The following COL13A1 variants were observed in gnomAD, a reference collection of about 807,000 sequenced individuals.
The protein encoded by COL13A1 is collagen type XIII alpha 1 chain.
A neutral mutation model predicts 130.9 loss-of-function variants in COL13A1; 89 were observed. The observed-to-expected ratio is 0.68, with a 90% CI of 0.57 to 0.81. The LOEUF is 0.81. Among genes scored for constraint, COL13A1 ranks in the 30% least tolerant of loss-of-function variants. The pLI is 0.00. For synonymous variants in COL13A1, 402 were observed against 341.6 expected (o/e 1.18, Z -1.95); for missense variants, 879 against 934.6 (o/e 0.94, Z 0.78).
Position 69,904,905 on chromosome 10 carries a change from C to CTTTTTTTT in COL13A1, c.859-18_859-11dup, listed in dbSNP as rs60054259. ...CAGCTCTACTCACCTTTTCTTTTTT[C>CTTTTTTTT]TTTTTTTTTTTTTTTTTGCTTCCAC... On this transcript the variant is annotated intron_variant, in intron 15 of 40. Coordinates refer to ENST00000645393, the MANE Select transcript of COL13A1 (RefSeq NM_001368882.1). 1.9e-4 allele frequency: 280 copies of CTTTTTTTT among 1,475,642 alleles called. 1 individual carries two copies. Among genetic ancestry groups the CTTTTTTTT allele is most frequent in the Admixed American group, 9.9e-4 (45 of 45,330 alleles). The allele number at this position is 1,475,642 out of a possible 1,614,324, so 91.4% of individuals were successfully genotyped here. A position where few individuals can be genotyped will look rare whatever the true frequency, so the allele number is the denominator to read the frequency against.
chr10:69,881,428 A>G (rs926558179), intron 7 of COL13A1, among the ~76,000 whole-genome samples: 1 of 152,172 alleles, frequency 6.6e-6, no homozygotes. Flanking sequence ...GGGTGGGAGC[A>G]GAGGGCTAGC....
At chr10:69,849,337 G>A (rs958124508) in intron 2 of COL13A1, among the ~76,000 whole-genome samples, 10 of 152,086 alleles carry the variant, frequency 6.6e-5, no homozygotes, top group Non-Finnish European at 1.3e-4. Flanking sequence ...TGCAGGGGAT[G>A]GGGAGCGGGG....
At chr10:69,839,164 C>CCATTCATT (rs537294421) in intron 2 of COL13A1, among the ~76,000 whole-genome samples, 1 of 152,116 alleles carries the variant, frequency 6.6e-6, no homozygotes. Flanking sequence ...GAGAGGTGAC[C>CCATTCATT]CATTCATTCA....
chr10:69,910,572 C>T (rs1489125957), intron 17 of COL13A1, among the ~76,000 whole-genome samples: 2 of 152,224 alleles, frequency 1.3e-5, no homozygotes, highest in South Asian at 2.1e-4. Context: ...TCCATCAGTT[C>T]CTTGAGATCA....
chr10:69,846,153 G>C (rs1383291348), intron 2 of COL13A1, among the ~76,000 whole-genome samples: 1 of 152,322 alleles, frequency 6.6e-6, no homozygotes, highest in East Asian at 1.9e-4. Context: ...TCTCTGGGAG[G>C]CCATGCATGT....
At chr10:69,938,767 C>T (rs921016168) in intron 34 of COL13A1, among the ~76,000 whole-genome samples, 11 of 152,160 alleles carry the variant, frequency 7.2e-5, no homozygotes, top group African/African-American at 2.4e-4. Context: ...TGAATGCATT[C>T]GAGGTAGGAA....
chr10:69,913,543 C>T (rs1398366896), intron 17 of COL13A1, among the ~76,000 whole-genome samples: 2 of 152,218 alleles, frequency 1.3e-5, no homozygotes, highest in Admixed American at 6.5e-5. Flanking sequence ...CCCCAAGGAA[C>T]AGTCCTCTGA....
At chr10:69,867,741 C>T in intron 2 of COL13A1, 57 bp from the exon 3 acceptor site, 1 of 716,202 alleles carries the variant, frequency 1.4e-6, no homozygotes, top group Non-Finnish European at 2.6e-6. Context: ...AAGGCGGCCT[C>T]CCCACCGCCC....
At chr10:69,877,699 TCACACACACACA>T (rs10532425) in intron 5 of COL13A1, 13,757 of 86,534 alleles carry the variant, frequency 0.16, 1,182 homozygotes, top group East Asian at 0.36. Flanking sequence ...TCTCTCTCTC[TCACACACACACA>T]CACACACACA....
rs2061552914 is a variant in COL13A1, at chr10:69,895,569, C to T, written c.677C>T (p.Pro226Leu). The change falls in exon 13 of 41, where the codon CCA (proline) becomes CTA (leucine). Residue 226 changes from proline (P) to leucine (L), a missense_variant. This residue lies in a region of COL13A1 where 715 missense variants were observed against 721.0 expected (regional missense o/e 0.99). Coordinates refer to ENST00000645393, the MANE Select transcript of COL13A1 (RefSeq NM_001368882.1). ...TCCCAGGGTCAGTGTGGAGAGTACC[C>T]ACACCGGGTAAGTGAACCCCTAAAA... Reference protein sequence around the residue: ...KGEKGQCGEYPHRLLPLLNSV... With the variant: ...KGEKGQCGEYLHRLLPLLNSV... 3 of 1,613,920 alleles carry T rather than the reference C, an allele frequency of 1.9e-6. No individual in the cohort carries two copies. In the East Asian group the frequency reaches 6.7e-5, roughly 36 times the overall value.
chr10:69,819,780 C>A (rs1845581199), intron 1 of COL13A1, among the ~76,000 whole-genome samples: 1 of 152,204 alleles, frequency 6.6e-6, no homozygotes, highest in African/African-American at 2.4e-5. Flanking sequence ...GCCCCAGAAC[C>A]AGTGGCAGGG....
Position 69,867,814 on chromosome 10 carries a change from T to C in COL13A1, c.372+9T>C, listed in dbSNP as rs2058672742. 1.4e-6 allele frequency: 1 copy of C among 718,438 alleles called. No homozygotes were observed. Among genetic ancestry groups the C allele is most frequent in the Non-Finnish European group, 2.6e-6 (1 of 385,010 alleles). The allele number at this position is 718,438 out of a possible 1,614,324, so 44.5% of individuals were successfully genotyped here. On this transcript the variant is annotated intron_variant, in intron 3 of 40. Coordinates refer to ENST00000645393, the MANE Select transcript of COL13A1 (RefSeq NM_001368882.1). ...CTCTTTCAGGACCTCCTGTAAGTAC[T>C]CAAGCCGAGGGTCTCGTGCATCTGA...
chr10:69,926,864 T>C (rs771887657), intron 26 of COL13A1, among the ~76,000 whole-genome samples: 1 of 152,062 alleles, frequency 6.6e-6, no homozygotes, highest in Non-Finnish European at 1.5e-5. Flanking sequence ...TAATCATGCT[T>C]AGGAGATGCT....
chr10:69,951,713 A>G (rs1276803654), intron 38 of COL13A1, among the ~76,000 whole-genome samples: 3 of 152,204 alleles, frequency 2.0e-5, no homozygotes, highest in Non-Finnish European at 1.5e-5. Context: ...TTTACAGGTA[A>G]AGAAACTAAG....
rs546773779 is a variant in COL13A1 at position 69,924,826 on chromosome 10, G to A, written c.1285-137G>A. ...GGTGGGTGTTCCCTGGATGTTTCCT[G>A]AAGGGGTGGAACCTGCACTTCTATG... On this transcript the variant is annotated intron_variant, in intron 24 of 40. Transcript: ENST00000645393. 2.4e-3 allele frequency: 1,921 copies of A among 784,702 alleles called. 6 individuals are homozygous for A. Among genetic ancestry groups the A allele is most frequent in the Non-Finnish European group, 3.1e-3 (1,692 of 537,182 alleles). 48.6% of individuals were successfully genotyped at this position (784,702 alleles called of 1,614,324 possible).
intron 1 of COL13A1, among the ~76,000 whole-genome samples, chr10:69,811,966 C>A (rs2132283757): frequency 6.6e-6 from 1 of 152,300 alleles, no homozygotes; most frequent in South Asian, 2.1e-4. Flanking sequence ...CCTGTCCTCT[C>A]CTCTCCATCC....
At chr10:69,898,876 A>T (rs2061921796) in intron 14 of COL13A1, 114 bp downstream of exon 14, 1 of 767,938 alleles carries the variant, frequency 1.3e-6, no homozygotes, top group African/African-American at 1.8e-5. Context: ...ATTAAATCAG[A>T]CAAAAATAGG....
intron 1 of COL13A1, among the ~76,000 whole-genome samples, chr10:69,820,482 G>A (rs993968620): frequency 5.3e-5 from 8 of 152,358 alleles, no homozygotes; most frequent in South Asian, 4.1e-4. Flanking sequence ...GGGGAGGGAT[G>A]TGGAGGCAGG....
At chr10:69,841,557 T>C (rs3998144) in intron 2 of COL13A1, among the ~76,000 whole-genome samples, 72,270 of 152,038 alleles carry the variant, frequency 0.48, 17,355 homozygotes, top group South Asian at 0.62. Flanking sequence ...CTCCATGCCA[T>C]GCCTTTGCTA....
Sources: allele counts gnomAD v4.1 joint callset (sites outside exome capture counted in the v4.1 genomes callset), GRCh38; gene constraint gnomAD v4.1.1; regional missense constraint gnomAD v4.1.1; transcripts MANE v1.5; gene names NCBI Gene and HGNC (gene_info 2026-07-23, HGNC 2026-07-21).